NAALAD2: variants seen among roughly 807,000 people sequenced by gnomAD.
The protein encoded by NAALAD2 is N-acetylated alpha-linked acidic dipeptidase 2, also known as N-acetylated-alpha-linked acidic dipeptidase 2.
NAALAD2 carries 89 observed loss-of-function variants against 95.6 expected under a neutral mutation model. The ratio of observed to expected loss-of-function variants is 0.93; its 90% CI spans 0.78 to 1.11. The LOEUF (loss-of-function observed/expected upper bound fraction) is 1.11, where lower values mean the gene tolerates loss of function less well. NAALAD2 is among the 50% of genes least tolerant of loss of function. NAALAD2 has a pLI of 0.00. For missense variants in NAALAD2, 894 were observed against 872.4 expected (o/e 1.02, Z -0.31); for synonymous variants, 264 against 294.4 (o/e 0.90, Z 1.06).
chr11:90,134,661 C>T, upstream of NAALAD2: 1 of 1,221,940 alleles, frequency 8.2e-7, no homozygotes, highest in Non-Finnish European at 1.2e-6. Context: ...CGGAGGCCAC[C>T]CAGAGCTCAC....
At chr11:90,185,874 TA>T (rs370533741) in intron 18 of NAALAD2, among the ~76,000 whole-genome samples, 55 of 111,250 alleles carry the variant, frequency 4.9e-4, no homozygotes, top group East Asian at 2.5e-3. Context: ...TTTTTTTTTT[TA>T]TATACATTTA....
At chr11:90,176,431 T>C (rs1565542948) in intron 15 of NAALAD2, among the ~76,000 whole-genome samples, 1 of 152,158 alleles carries the variant, frequency 6.6e-6, no homozygotes, top group East Asian at 1.9e-4. Context: ...GGAGAACATA[T>C]TTTGGTCAAG....
rs76546193 is a variant in NAALAD2, at chr11:90,177,057, C to T, written c.1594-796C>T. Reference sequence around the variant, plus strand: ...AGGAGAAGGACTGATAAGGAGATTGCTTTTTAGTGATACTAACAGCAGTAA... The same window carrying T: ...AGGAGAAGGACTGATAAGGAGATTGTTTTTTAGTGATACTAACAGCAGTAA... On this transcript the variant is annotated intron_variant, in intron 15 of 18. Coordinates refer to ENST00000534061, the MANE Select transcript of NAALAD2 (RefSeq NM_005467.4). Among the ~76,000 whole-genome samples the T allele has an allele frequency of 1.8e-4, 27 of 152,154 alleles. No homozygotes were observed. The East Asian group carries it at 5.2e-3, about 29-fold the overall frequency.
chr11:90,134,395 C>T (rs78170258), upstream of NAALAD2: 9,116 of 240,504 alleles, frequency 0.038, 240 homozygotes, highest in Non-Finnish European at 0.051. Flanking sequence ...AAATTCACTT[C>T]TGAGCCGAAA....
At chr11:90,156,114 C>A (rs1952112769) in intron 6 of NAALAD2, among the ~76,000 whole-genome samples, 1 of 151,682 alleles carries the variant, frequency 6.6e-6, no homozygotes, top group Non-Finnish European at 1.5e-5. Flanking sequence ...GCAATTTAGT[C>A]ATTTCTCCTT....
At chr11:90,171,878 C>T (rs1346283981) in intron 13 of NAALAD2, among the ~76,000 whole-genome samples, 2 of 152,042 alleles carry the variant, frequency 1.3e-5, no homozygotes, top group Non-Finnish European at 2.9e-5. Flanking sequence ...ATGCATGTAG[C>T]TGAGGTAAGA....
chr11:90,170,551 G>A (rs1952603837), intron 13 of NAALAD2, among the ~76,000 whole-genome samples: 1 of 152,178 alleles, frequency 6.6e-6, no homozygotes, highest in Non-Finnish European at 1.5e-5. Context: ...TAGTGATAAG[G>A]GGACAAGGTC....
chr11:90,136,366 T>C (rs1007169466), intron 2 of NAALAD2, among the ~76,000 whole-genome samples: 1 of 152,194 alleles, frequency 6.6e-6, no homozygotes, highest in African/African-American at 2.4e-5. Flanking sequence ...GACAGACGTA[T>C]GCTATGCTGA....
At chr11:90,148,131 G>C (rs1565515233) in intron 3 of NAALAD2, among the ~76,000 whole-genome samples, 1 of 152,172 alleles carries the variant, frequency 6.6e-6, no homozygotes, top group Non-Finnish European at 1.5e-5. Context: ...CAAGTCCTGA[G>C]CAGGGGAAGG....
chr11:90,166,655 G>A lies in NAALAD2; in HGVS notation c.1279-2274G>A, dbSNP rs899671643. ...TCGAGACCATTCTGGCTAACATGGT[G>A]AAACCCCACCTCTACTAAAAATACA... On this transcript the variant is annotated intron_variant, in intron 11 of 18. Coordinates refer to ENST00000534061, the MANE Select transcript of NAALAD2 (RefSeq NM_005467.4). Among the ~76,000 whole-genome samples the A allele has an allele frequency of 2.6e-5, 4 of 152,144 alleles. No individual in the cohort carries two copies. In the South Asian group the frequency reaches 6.3e-4, roughly 24 times the overall value.
chr11:90,186,952 T>G (rs11824228), intron 18 of NAALAD2, among the ~76,000 whole-genome samples: 2,044 of 144,406 alleles, frequency 0.014, 56 homozygotes, highest in African/African-American at 0.049. Flanking sequence ...ATATCCAGAA[T>G]CTACAATGAA....
intron 11 of NAALAD2, among the ~76,000 whole-genome samples, chr11:90,167,471 G>A (rs951791387): frequency 2.2e-4 from 34 of 152,282 alleles, no homozygotes; most frequent in Non-Finnish European, 3.2e-4. Flanking sequence ...GACGAGCACC[G>A]CTTCCTGCTC....
chr11:90,152,240 T>C (rs1248630553), intron 5 of NAALAD2, 58 bp from the exon 6 acceptor site: 22 of 1,447,568 alleles, frequency 1.5e-5, no homozygotes, highest in Admixed American at 6.1e-5. Flanking sequence ...GTCTTTCTTA[T>C]ATGAATAAGC....
At chr11:90,131,820 G>A (rs187480726), upstream of NAALAD2, 27 of 152,246 alleles carry the variant, frequency 1.8e-4, no homozygotes, top group Admixed American at 3.3e-4. Flanking sequence ...AGGAAGTGGT[G>A]AGTTTTGTTA....
At chr11:90,180,193 C>A (rs955143664) in intron 16 of NAALAD2, among the ~76,000 whole-genome samples, 1 of 152,112 alleles carries the variant, frequency 6.6e-6, no homozygotes, top group Non-Finnish European at 1.5e-5. Context: ...ACTGCTCTTG[C>A]AAAAGTCGTC....
At chr11:90,132,746 C>A (rs1259362852), upstream of NAALAD2, among the ~76,000 whole-genome samples, 3 of 152,094 alleles carry the variant, frequency 2.0e-5, no homozygotes, top group Non-Finnish European at 4.4e-5. Flanking sequence ...TTGAATAATT[C>A]TATTCTAATT....
chr11:90,175,328 T>G (rs931777366), intron 14 of NAALAD2, among the ~76,000 whole-genome samples: 3 of 152,192 alleles, frequency 2.0e-5, no homozygotes, highest in African/African-American at 7.2e-5. Context: ...ACCTAATAGT[T>G]TGGAAATAAA....
In NAALAD2 at chr11:90,158,198, G is replaced by A. The variant is rs201924685; in HGVS notation, c.850G>A (p.Val284Ile). Residue 284 changes from valine to isoleucine, a missense_variant, in exon 7 of 19, where the codon GTA becomes ATA. Transcript: ENST00000534061. ...EEGVGIPRIPVHPIGYNDAEI... is the reference protein window; with the variant it reads ...EEGVGIPRIPIHPIGYNDAEI... ...AGGAGTGGGAATCCCCCGAATACCT[G>A]TACATCCCATTGGATATAATGATGC... is the stretch of plus-strand genomic sequence containing the variant. 4.8e-5 allele frequency: 77 copies of A among 1,611,058 alleles called. No homozygotes were observed. Among genetic ancestry groups the A allele is most frequent in the Non-Finnish European group, 6.1e-5 (72 of 1,178,076 alleles).
chr11:90,188,870 A>C (rs1857240404), intron 18 of NAALAD2, among the ~76,000 whole-genome samples: 1 of 152,210 alleles, frequency 6.6e-6, no homozygotes, highest in South Asian at 2.1e-4. Flanking sequence ...CACAAAAATT[A>C]ATTGCTCTGT....
Sources: gnomAD v4.1 joint callset for allele counts (sites outside exome capture counted in the v4.1 genomes callset) on GRCh38, gnomAD v4.1.1 for gene constraint, MANE v1.5 for transcripts, NCBI Gene and HGNC (gene_info 2026-07-23, HGNC 2026-07-21) for gene names.